Variants in EFCAB8 observed in about 807,000 individuals in gnomAD.
EFCAB8 encodes EF-hand calcium-binding domain-containing protein 8.
Under a neutral mutation model 116.3 loss-of-function variants are expected in EFCAB8, and 100 were observed. That is an observed-to-expected ratio of 0.86 (90% confidence interval 0.73 to 1.02). The LOEUF (loss-of-function observed/expected upper bound fraction) is 1.02, where lower values mean the gene tolerates loss of function less well. Among genes scored for constraint, EFCAB8 ranks in the 50% least tolerant of loss-of-function variants. EFCAB8 has a pLI of 0.00. For synonymous variants in EFCAB8, 558 were observed against 567.9 expected, an observed-to-expected ratio of 0.98 and a Z score of 0.25; for missense variants, 1,320 against 1,416.9, an observed-to-expected ratio of 0.93 and a Z score of 1.10.
chr20:32,865,877 T>C (rs1984374978), intron 2 of EFCAB8, among the ~76,000 whole-genome samples: 1 of 151,910 alleles, frequency 6.6e-6, no homozygotes, highest in African/African-American at 2.4e-5. Flanking sequence ...GGTCAAACTC[T>C]GGTCTTAGTG....
chr20:32,897,938 G>T (rs1248388838), intron 10 of EFCAB8, among the ~76,000 whole-genome samples: 1 of 152,186 alleles, frequency 6.6e-6, no homozygotes, highest in Non-Finnish European at 1.5e-5. Flanking sequence ...TAGATTGGGA[G>T]GCCAAGCACT....
At chr20:32,938,298 G>T (rs1568941005) in intron 22 of EFCAB8, among the ~76,000 whole-genome samples, 2 of 149,852 alleles carry the variant, frequency 1.3e-5, no homozygotes, top group African/African-American at 4.9e-5. Context: ...ACTAGAAATA[G>T]AAACTCCTTC....
At chr20:32,943,265 T>C (rs2146291360) in intron 22 of EFCAB8, among the ~76,000 whole-genome samples, 1 of 152,280 alleles carries the variant, frequency 6.6e-6, no homozygotes, top group South Asian at 2.1e-4. Context: ...CCTCTGTAAG[T>C]CAGTGAGAAT....
At chr20:32,941,593 C>T (rs1988410305) in intron 22 of EFCAB8, among the ~76,000 whole-genome samples, 7 of 152,094 alleles carry the variant, frequency 4.6e-5, no homozygotes, top group Admixed American at 4.6e-4. Context: ...AAATACTGTG[C>T]TAAGTGAAAG....
intron 23 of EFCAB8, among the ~76,000 whole-genome samples, chr20:32,954,882 A>G (rs1442632168): frequency 6.6e-6 from 1 of 152,030 alleles, no homozygotes; most frequent in Non-Finnish European, 1.5e-5. Context: ...CCTGGAGTAA[A>G]CCCCACTTAG....
Position 32,889,385 on chromosome 20 carries a change from G to GC in EFCAB8, c.653dup (p.Ser219ValfsTer10). The stretch of plus-strand genomic sequence containing the variant: ...GCACAATATGAACCTCGTTGCAGTT[G>GC]CGTCTACCAGGCAAAAGATAGGTGA... On this transcript the variant is annotated frameshift_variant, in exon 7 of 27. Coordinates refer to ENST00000400522, the MANE Select transcript of EFCAB8 (RefSeq NM_001143967.2). LOFTEE classifies it high-confidence loss of function. 6.4e-7 allele frequency: 1 copy of GC among 1,551,880 alleles called. No homozygotes were observed. Among genetic ancestry groups the GC allele is most frequent in the Non-Finnish European group, 8.7e-7 (1 of 1,147,028 alleles).
intron 13 of EFCAB8, among the ~76,000 whole-genome samples, chr20:32,908,046 G>A (rs566246013): frequency 6.6e-6 from 1 of 152,328 alleles, no homozygotes; most frequent in Non-Finnish European, 1.5e-5. Flanking sequence ...GGCAGGCTGG[G>A]GGTGGAGCTG....
intron 5 of EFCAB8, among the ~76,000 whole-genome samples, chr20:32,882,217 C>A (rs74463131): frequency 2.6e-5 from 4 of 151,886 alleles, no homozygotes; most frequent in African/African-American, 7.3e-5. Context: ...AAAAAAAAAA[C>A]AGCATGCAAA....
At position 32,935,204 on chromosome 20, in the gene EFCAB8, T is replaced by C. The variant is rs567444424; in HGVS notation, c.2790+3868T>C. Reference sequence around the variant, plus strand: ...TCTTTCTTTCTTTCTTTTTTTTTTTTTTTTTTTTTTTTTGAGATGGCGTTT... The same window carrying C: ...TCTTTCTTTCTTTCTTTTTTTTTTTCTTTTTTTTTTTTTGAGATGGCGTTT... On this transcript the variant is annotated intron_variant, in intron 22 of 26. Transcript: ENST00000400522. 5.4e-5 allele frequency among the ~76,000 whole-genome samples: 7 copies of C among 128,956 alleles called. No homozygotes were observed. In the East Asian group the frequency reaches 1.0e-3, roughly 19 times the overall value. 84.6% of individuals were successfully genotyped at this position (128,956 alleles called of 152,430 possible).
chr20:32,896,305 A>T, intron 9 of EFCAB8, 149 bp from the exon 10 acceptor site: 1 of 625,138 alleles, frequency 1.6e-6, no homozygotes, highest in Non-Finnish European at 2.9e-6. Context: ...GCTCACCAGG[A>T]CACAGTGAGG....
chr20:32,916,838 G>T (rs1419488284), intron 17 of EFCAB8, among the ~76,000 whole-genome samples: 1 of 152,030 alleles, frequency 6.6e-6, no homozygotes. Context: ...TCTTCTTGGG[G>T]GCGGTGGTCA....
intron 6 of EFCAB8, among the ~76,000 whole-genome samples, chr20:32,886,565 G>C (rs1985641906): frequency 6.6e-6 from 1 of 152,190 alleles, no homozygotes; most frequent in South Asian, 2.1e-4. Context: ...ACTAGGGTCT[G>C]TGGGGTCCCA....
At chr20:32,916,654 C>A (rs1370394087) in intron 17 of EFCAB8, among the ~76,000 whole-genome samples, 1 of 152,162 alleles carries the variant, frequency 6.6e-6, no homozygotes, top group African/African-American at 2.4e-5. Flanking sequence ...GATACTCTCA[C>A]ATTGAGGATT....
In EFCAB8 at chr20:32,896,459, T is replaced by G; in HGVS notation, c.889T>G (p.Trp297Gly). The change falls in exon 10 of 27, where the codon TGG (tryptophan) becomes GGG (glycine). Residue 297 changes from tryptophan to glycine, a missense_variant. Trp to Gly is a radical substitution (Grantham distance 184). Transcript: ENST00000400522. ...ILPRASKWDH[W>G]IKVSLQKLLN... ...TTGGTTTTTTCCCCTATCAGATCAC[T>G]GGATCAAAGTTTCCTTGCAGAAACT... The G allele has an allele frequency of 1.4e-6, 1 of 718,976 alleles. No individual in the cohort carries two copies. The highest frequency in any genetic ancestry group is 1.5e-5 in the South Asian group (1 of 67,588). 44.5% of individuals were successfully genotyped at this position (718,976 alleles called of 1,614,324 possible). A position where few individuals can be genotyped will look rare whatever the true frequency, so the allele number is the denominator to read the frequency against.
At chr20:32,938,458 A>G (rs1988206718) in intron 22 of EFCAB8, among the ~76,000 whole-genome samples, 1 of 149,964 alleles carries the variant, frequency 6.7e-6, no homozygotes, top group Non-Finnish European at 1.5e-5. Flanking sequence ...CAGTTAGGCA[A>G]GAAAATGAAA....
intron 11 of EFCAB8, among the ~76,000 whole-genome samples, chr20:32,905,066 G>C (rs544819479): frequency 4.0e-4 from 61 of 152,314 alleles, no homozygotes; most frequent in African/African-American, 1.4e-3. Flanking sequence ...TGGAACTCCT[G>C]TCTGGGCCTC....
intron 22 of EFCAB8, among the ~76,000 whole-genome samples, chr20:32,932,146 A>G (rs1386010660): frequency 6.6e-6 from 1 of 152,196 alleles, no homozygotes; most frequent in African/African-American, 2.4e-5. Context: ...TGGGAGGCCA[A>G]GGCTGGTGGA....
chr20:32,898,373 G>A (rs535682471), intron 10 of EFCAB8, 120 bp from the exon 11 acceptor site: 3 of 607,354 alleles, frequency 4.9e-6, no homozygotes, highest in Admixed American at 2.6e-5. Context: ...ACTAGGAGAA[G>A]GGCATTAGAC....
chr20:32,911,759 CA>C lies in EFCAB8; in HGVS notation c.1785+53del, dbSNP rs1600415589. 15 of 1,512,820 alleles carry C rather than the reference CA, an allele frequency of 9.9e-6. No individual in the cohort carries two copies. In the South Asian group the frequency reaches 1.7e-4, roughly 17 times the overall value. The allele number at this position is 1,512,820 out of a possible 1,614,324, so 93.7% of individuals were successfully genotyped here. Reference sequence around the variant, plus strand: ...AGGGACGGCCTCTTGGGAAGCAAAGCACAGCTCCTTTGACCCTGGGATGCAC... The same window carrying C: ...AGGGACGGCCTCTTGGGAAGCAAAGCCAGCTCCTTTGACCCTGGGATGCAC... On this transcript the variant is annotated intron_variant, in intron 16 of 26. Coordinates refer to ENST00000400522, the MANE Select transcript of EFCAB8 (RefSeq NM_001143967.2).
Sources: gnomAD v4.1 joint callset for allele counts (sites outside exome capture counted in the v4.1 genomes callset) on GRCh38, gnomAD v4.1.1 for gene constraint, MANE v1.5 for transcripts, NCBI Gene and HGNC (gene_info 2026-07-23, HGNC 2026-07-21) for gene names.